The following DIP2B variants were observed in gnomAD, a reference collection of about 807,000 sequenced individuals.
The protein encoded by DIP2B is DIP2 acetate--CoA ligase B (putative).
Under a neutral mutation model 198.0 loss-of-function variants are expected in DIP2B, and 76 were observed. That is an observed-to-expected ratio of 0.38 (90% CI 0.32 to 0.46). DIP2B has a LOEUF of 0.46. DIP2B is among the 20% of genes least tolerant of loss of function. The pLI, the probability that DIP2B is intolerant of heterozygous loss-of-function variation, is 0.99. For missense variants in DIP2B, 1,559 were observed against 1,978.4 expected, an observed-to-expected ratio of 0.79 and a Z score of 4.02; for synonymous variants, 701 against 739.1, an observed-to-expected ratio of 0.95 and a Z score of 0.84.
intron 27 of DIP2B, 32 bp from the exon 28 acceptor site, chr12:50,724,743 C>T (rs755721918): frequency 2.5e-6 from 4 of 1,605,058 alleles, no homozygotes; most frequent in East Asian, 2.2e-5. Context: ...GCTGAGCCTC[C>T]TGATGCTTAT....
chr12:50,510,703 T>C (rs1189306569), intron 1 of DIP2B, among the ~76,000 whole-genome samples: 1 of 151,412 alleles, frequency 6.6e-6, no homozygotes, highest in African/African-American at 2.4e-5. Context: ...TGGAGTGTAA[T>C]GGCACGATCT....
intron 1 of DIP2B, among the ~76,000 whole-genome samples, chr12:50,556,515 G>A (rs1156948339): frequency 1.3e-5 from 2 of 151,556 alleles, no homozygotes; most frequent in East Asian, 3.9e-4. Context: ...CTGGGAGTTA[G>A]AAGGGCTGTT....
chr12:50,720,122 G>A (rs1279631405), intron 25 of DIP2B, among the ~76,000 whole-genome samples: 1 of 151,710 alleles, frequency 6.6e-6, no homozygotes, highest in African/African-American at 2.4e-5. Context: ...TTAGAGACGG[G>A]CTTTCACATG....
At chr12:50,709,956 C>T (rs978956176) in intron 22 of DIP2B, among the ~76,000 whole-genome samples, 4 of 152,128 alleles carry the variant, frequency 2.6e-5, no homozygotes, top group East Asian at 3.8e-4. Context: ...CTCCAACCTG[C>T]GCAACATAGC....
At chr12:50,703,775 T>A (rs1319694899) in intron 19 of DIP2B, among the ~76,000 whole-genome samples, 1 of 151,912 alleles carries the variant, frequency 6.6e-6, no homozygotes, top group Non-Finnish European at 1.5e-5. Context: ...CTGTCCCCCA[T>A]GGAGTGGCTG....
chr12:50,673,464 T>C (rs1284204401), intron 5 of DIP2B, among the ~76,000 whole-genome samples: 1 of 152,178 alleles, frequency 6.6e-6, no homozygotes, highest in East Asian at 1.9e-4. Context: ...AGGGATCTTT[T>C]CCAGTTTACT....
In DIP2B at chr12:50,675,411, G is replaced by T. The variant is rs1038936669; in HGVS notation, c.879G>T (p.Lys293Asn). ...TLKRPKRPPLKEFFVDDSEEI... is the reference protein window; with the variant it reads ...TLKRPKRPPLNEFFVDDSEEI... ...AACGACCCAAAAGGCCTCCCTTAAA[G>T]GAATTTTTTGTGGATGACTCTGAAG... is the stretch of plus-strand genomic sequence containing the variant. The change falls in exon 7 of 38, where the codon AAG becomes AAT. Residue 293 changes from lysine to asparagine, a missense_variant. Physicochemically the swap from Lys to Asn is moderately conservative, Grantham distance 94. Transcript: ENST00000301180. 7.4e-6 allele frequency: 12 copies of T among 1,613,834 alleles called. No homozygotes were observed. Among genetic ancestry groups the T allele is most frequent in the African/African-American group, 1.3e-5 (1 of 75,002 alleles).
intron 32 of DIP2B, 98 bp downstream of exon 32, chr12:50,732,634 CA>C (rs1940064054): frequency 6.9e-7 from 1 of 1,452,304 alleles, no homozygotes; most frequent in Non-Finnish European, 9.4e-7. Context: ...GCTTGGGCCC[CA>C]GCCGCACTTA....
At chr12:50,629,019 C>T (rs578194019) in intron 2 of DIP2B, among the ~76,000 whole-genome samples, 58 of 152,272 alleles carry the variant, frequency 3.8e-4, no homozygotes, top group African/African-American at 1.4e-3. Flanking sequence ...GCTGGGACTA[C>T]AGGCATGAGC....
chr12:50,589,201 TAAAATA>T (rs1958797469), intron 1 of DIP2B, among the ~76,000 whole-genome samples: 3 of 150,468 alleles, frequency 2.0e-5, no homozygotes, highest in African/African-American at 4.9e-5. Context: ...TAAAATAAAA[TAAAATA>T]AAAATAAATA....
At chr12:50,535,296 T>C (rs1484988516) in intron 1 of DIP2B, among the ~76,000 whole-genome samples, 4 of 151,892 alleles carry the variant, frequency 2.6e-5, no homozygotes, top group Non-Finnish European at 5.9e-5. Context: ...CCAGGCCTGG[T>C]AGCTTATAGC....
chr12:50,661,587 CACAGTAAG>C (rs1938648513), intron 4 of DIP2B, among the ~76,000 whole-genome samples: 1 of 152,182 alleles, frequency 6.6e-6, no homozygotes, highest in Admixed American at 6.5e-5. Flanking sequence ...AGCCGGCTAT[CACAGTAAG>C]ACAGTTTGTG....
Position 50,636,101 on chromosome 12 carries a change from G to A in DIP2B, c.173-4623G>A, listed in dbSNP as rs1245654222. Among the ~76,000 whole-genome samples, 18 of 152,322 alleles carry A rather than the reference G, an allele frequency of 1.2e-4. 1 individual carries two copies. The highest frequency in any genetic ancestry group is 6.2e-4 in the South Asian group (3 of 4,828). ...CATAAAAGAGAGTAGAATAAGTACT[G>A]TAAGAGAGCTCTAAACAAAGTAGCG... is the stretch of plus-strand genomic sequence containing the variant. On this transcript the variant is annotated intron_variant, in intron 2 of 37. Transcript: ENST00000301180.
chr12:50,707,141 A>G (rs1032695334), intron 21 of DIP2B, among the ~76,000 whole-genome samples: 1 of 152,216 alleles, frequency 6.6e-6, no homozygotes, highest in Non-Finnish European at 1.5e-5. Flanking sequence ...GACAAAGTCA[A>G]TTAGATATCT....
At chr12:50,722,237 T>TG (rs1047589514) in intron 26 of DIP2B, among the ~76,000 whole-genome samples, 14 of 135,934 alleles carry the variant, frequency 1.0e-4, no homozygotes, top group Non-Finnish European at 2.0e-4. Flanking sequence ...TGTGATTTTT[T>TG]TTTGTTTGTT....
chr12:50,535,006 G>A (rs1958251028), intron 1 of DIP2B, among the ~76,000 whole-genome samples: 1 of 151,994 alleles, frequency 6.6e-6, no homozygotes, highest in Admixed American at 6.6e-5. Context: ...AGGTGGGTGG[G>A]TCATTTGAGC....
rs371401289 is a variant in DIP2B at position 50,719,055 on chromosome 12, A to T, written c.3042+20A>T. On this transcript the variant is annotated intron_variant, in intron 25 of 37. Transcript: ENST00000301180. Reference sequence around the variant, plus strand: ...GCCAAGGTATTAAAAATTCAATGGTATATCTAATCAGCTGACTACTATAGG... The same window carrying T: ...GCCAAGGTATTAAAAATTCAATGGTTTATCTAATCAGCTGACTACTATAGG... 5 of 1,611,982 alleles carry T rather than the reference A, an allele frequency of 3.1e-6. No homozygotes were observed. In the East Asian group the frequency reaches 1.1e-4, roughly 36 times the overall value.
At chr12:50,555,451 C>T (rs565589108) in intron 1 of DIP2B, among the ~76,000 whole-genome samples, 3 of 152,170 alleles carry the variant, frequency 2.0e-5, no homozygotes, top group African/African-American at 7.2e-5. Context: ...CAAATTTTGT[C>T]GCTGCTATCA....
intron 30 of DIP2B, among the ~76,000 whole-genome samples, chr12:50,730,378 CTCTCT>C (rs202187009): frequency 0.19 from 24,977 of 130,610 alleles, 2,685 homozygotes; most frequent in East Asian, 0.28. Flanking sequence ...CTTTCTCTCT[CTCTCT>C]TTTTTTTTTT....
Sources: gnomAD v4.1 joint callset for allele counts (sites outside exome capture counted in the v4.1 genomes callset) on GRCh38, gnomAD v4.1.1 for gene constraint, MANE v1.5 for transcripts, NCBI Gene and HGNC (gene_info 2026-07-23, HGNC 2026-07-21) for gene names.